The following SORCS3 variants were observed in gnomAD, a reference collection of about 807,000 sequenced individuals.
SORCS3 encodes the protein VPS10 domain-containing receptor SorCS3.
SORCS3 carries 57 observed loss-of-function variants against 146.3 expected under a neutral mutation model. That is an observed-to-expected ratio of 0.39 (90% CI 0.31 to 0.49). The LOEUF is 0.49. Ranked by LOEUF, SORCS3 falls within the 20% of genes least tolerant of loss-of-function variation. The pLI, the probability that SORCS3 is intolerant of heterozygous loss-of-function variation, is 0.92. For synonymous variants in SORCS3, 653 were observed against 618.5 expected (o/e 1.06, Z -0.83); for missense variants, 1,341 against 1,575.5 (o/e 0.85, Z 2.52).
chr10:104,717,319 GA>G (rs1345182312), intron 1 of SORCS3, among the ~76,000 whole-genome samples: 2 of 148,260 alleles, frequency 1.3e-5, no homozygotes, highest in South Asian at 2.2e-4. Flanking sequence ...AAAAAAAAAG[GA>G]AAAAGAAAAT....
chr10:104,992,945 A>T (rs2055003459), intron 4 of SORCS3, among the ~76,000 whole-genome samples: 1 of 151,956 alleles, frequency 6.6e-6, no homozygotes, highest in South Asian at 2.1e-4. Flanking sequence ...ACATTTAAAG[A>T]CCTGAATGAG....
intron 1 of SORCS3, among the ~76,000 whole-genome samples, chr10:104,685,624 C>A (rs1332869913): frequency 1.3e-5 from 2 of 152,220 alleles, no homozygotes; most frequent in African/African-American, 2.4e-5. Context: ...AGCCTAAGCC[C>A]TGGCCCACCT....
rs976249447 is a variant in SORCS3 at position 105,158,830 on chromosome 10, T to TG, written c.1630-58dup. ...TGAACATCGGGAAGCCCATCTCTAG[T>TG]GGGGCAGGGGTACAGGTGTCTGGAA... is the stretch of plus-strand genomic sequence containing the variant. On this transcript the variant is annotated intron_variant, in intron 10 of 26. Transcript: ENST00000369701. The TG allele has an allele frequency of 6.3e-6, 8 of 1,271,582 alleles. No homozygotes were observed. In the African/African-American group the frequency reaches 1.0e-4, roughly 16 times the overall value. The allele number at this position is 1,271,582 out of a possible 1,614,324, so 78.8% of individuals were successfully genotyped here.
At chr10:104,937,463 A>G (rs59923784) in intron 3 of SORCS3, among the ~76,000 whole-genome samples, 8,862 of 152,166 alleles carry the variant, frequency 0.058, 260 homozygotes, top group African/African-American at 0.072. Flanking sequence ...ATAAAATCTA[A>G]GTTTTATTTT....
At chr10:104,781,955 A>G (rs1172958621) in intron 1 of SORCS3, among the ~76,000 whole-genome samples, 1 of 152,186 alleles carries the variant, frequency 6.6e-6, no homozygotes, top group African/African-American at 2.4e-5. Context: ...GGAGTTACGG[A>G]GCTTTACAGC....
At chr10:104,760,052 G>A (rs948361352) in intron 1 of SORCS3, among the ~76,000 whole-genome samples, 2 of 152,246 alleles carry the variant, frequency 1.3e-5, no homozygotes, top group Non-Finnish European at 2.9e-5. Flanking sequence ...AGTCGGTCAT[G>A]CAAAGATCTG....
intron 4 of SORCS3, among the ~76,000 whole-genome samples, chr10:105,041,204 G>A (rs1262504286): frequency 6.7e-6 from 1 of 148,276 alleles, no homozygotes; most frequent in Non-Finnish European, 1.5e-5. Context: ...TTCTCTTTAG[G>A]CACTCAACCA....
intron 4 of SORCS3, among the ~76,000 whole-genome samples, chr10:105,027,864 A>G (rs574356524): frequency 1.3e-5 from 2 of 152,348 alleles, no homozygotes; most frequent in South Asian, 4.1e-4. Flanking sequence ...CACATGTGGT[A>G]GAGCAGCTTC....
intron 3 of SORCS3, among the ~76,000 whole-genome samples, chr10:104,930,186 TA>T (rs144611357): frequency 1.7e-3 from 251 of 150,754 alleles, no homozygotes; most frequent in Non-Finnish European, 2.5e-3. Context: ...ATTGTTCTAA[TA>T]AAAAAAAAGG....
At chr10:105,100,826 A>G (rs2055779188) in intron 6 of SORCS3, among the ~76,000 whole-genome samples, 1 of 152,252 alleles carries the variant, frequency 6.6e-6, no homozygotes, top group Admixed American at 6.5e-5. Flanking sequence ...ACTAACATTT[A>G]TTGATCTTTT....
chr10:104,829,052 C>T (rs2017972511), intron 1 of SORCS3, among the ~76,000 whole-genome samples: 1 of 152,184 alleles, frequency 6.6e-6, no homozygotes, highest in South Asian at 2.1e-4. Flanking sequence ...CTGACCACCT[C>T]AGCTCAGATT....
chr10:104,785,504 G>A lies in SORCS3; in HGVS notation c.628-57288G>A, dbSNP rs192512589. On this transcript the variant is annotated intron_variant, in intron 1 of 26. Transcript: ENST00000369701. Reference sequence around the variant, plus strand: ...GAGACCTTTGTTCACTTGTTTATCTGCTGACCTTCCCTCCACTATTGTCCA... The same window carrying A: ...GAGACCTTTGTTCACTTGTTTATCTACTGACCTTCCCTCCACTATTGTCCA... Among the ~76,000 whole-genome samples, 138 of 144,794 alleles carry A rather than the reference G, an allele frequency of 9.5e-4. 1 individual carries two copies. Among genetic ancestry groups the A allele is most frequent in the Non-Finnish European group, 1.4e-4 (9 of 66,576 alleles). 95.0% of individuals were successfully genotyped at this position (144,794 alleles called of 152,430 possible).
intron 11 of SORCS3, among the ~76,000 whole-genome samples, chr10:105,162,901 A>G (rs1316094666): frequency 6.6e-6 from 1 of 152,200 alleles, no homozygotes; most frequent in Non-Finnish European, 1.5e-5. Context: ...CTATTCTGTC[A>G]AAACCAAAGA....
chr10:104,862,969 A>G (rs368739979), intron 2 of SORCS3, among the ~76,000 whole-genome samples: 1 of 152,236 alleles, frequency 6.6e-6, no homozygotes, highest in African/African-American at 2.4e-5. Flanking sequence ...AAAATTGTCG[A>G]GGAAGCTGTG....
Position 105,255,801 on chromosome 10 carries a change from G to A in SORCS3, c.3337G>A (p.Ala1113Thr), listed in dbSNP as rs755605384. ...VIVYVTQLTL[A>T]PLVDSSAGHS... The stretch of plus-strand genomic sequence containing the variant: ...TGTGTATGTCACACAGCTGACGTTA[G>A]GTGAGTGCCACTGGGAACTGGGGAA... The change falls in exon 24 of 27, where the codon GCT becomes ACT. Residue 1113 changes from alanine to threonine, a missense_variant and splice_region_variant. Physicochemically the swap from Ala to Thr is moderately conservative, Grantham distance 58. Transcript: ENST00000369701. The A allele has an allele frequency of 6.2e-7, 1 of 1,610,286 alleles. No homozygotes were observed. The highest frequency in any genetic ancestry group is 8.5e-7 in the Non-Finnish European group (1 of 1,177,264).
intron 20 of SORCS3, among the ~76,000 whole-genome samples, chr10:105,238,713 A>G (rs1388827200): frequency 2.0e-5 from 3 of 152,262 alleles, no homozygotes; most frequent in African/African-American, 4.8e-5. Context: ...ATTCATGGAC[A>G]GTAATACTTT....
rs556059073 is a variant in SORCS3 at position 105,203,904 on chromosome 10, A to G, written c.2261+2651A>G. ...TACACCCTAGGGTTAAGTGGTCCCT[A>G]TGGTATTTTTGGAAGTAAACCAAAG... On this transcript the variant is annotated intron_variant, in intron 16 of 26. Transcript: ENST00000369701. Among the ~76,000 whole-genome samples the G allele has an allele frequency of 3.9e-5, 6 of 152,152 alleles. No individual in the cohort carries two copies. In the East Asian group the frequency reaches 1.2e-3, roughly 29 times the overall value.
At chr10:104,838,760 T>C (rs558239948) in intron 1 of SORCS3, among the ~76,000 whole-genome samples, 1 of 152,274 alleles carries the variant, frequency 6.6e-6, no homozygotes, top group East Asian at 1.9e-4. Context: ...GGAACCATGA[T>C]GTGATGGAGC....
chr10:104,641,578 G>A lies in SORCS3; in HGVS notation c.251G>A (p.Arg84Gln). ...SARRAAVLGR[R>Q]AGPELLPQQG... is the part of the protein sequence containing the mutation. ...CGGAGAGCCGCCGTGCTGGGGCGCC[G>A]GGCCGGACCAGAGCTGCTGCCCCAG... Residue 84 changes from arginine (R) to glutamine (Q), a missense_variant, in exon 1 of 27, where the codon CGG (arginine) becomes CAG (glutamine). Coordinates refer to ENST00000369701, the MANE Select transcript of SORCS3 (RefSeq NM_014978.3). This position sits in a 1 kb window ranked among gnomAD's most constrained non-coding sequence, Gnocchi z 6.4. 6.8e-7 allele frequency: 1 copy of A among 1,476,992 alleles called. No individual in the cohort carries two copies. The highest frequency in any genetic ancestry group is 8.9e-7 in the Non-Finnish European group (1 of 1,124,226). 91.5% of individuals were successfully genotyped at this position (1,476,992 alleles called of 1,614,324 possible). A position where few individuals can be genotyped will look rare whatever the true frequency, so the allele number is the denominator to read the frequency against.
Sources: allele counts gnomAD v4.1 joint callset (sites outside exome capture counted in the v4.1 genomes callset), GRCh38; gene constraint gnomAD v4.1.1; non-coding constraint Gnocchi (gnomAD v3.1); transcripts MANE v1.5; gene names NCBI Gene and HGNC (gene_info 2026-07-23, HGNC 2026-07-21).